ADAMTSL1: variants seen among roughly 807,000 people sequenced by gnomAD.
ADAMTSL1 encodes ADAMTS-like protein 1.
A neutral mutation model predicts 201.8 loss-of-function variants in ADAMTSL1; 126 were observed. The observed-to-expected ratio is 0.62, with a 90% CI of 0.54 to 0.72. The LOEUF (loss-of-function observed/expected upper bound fraction) is 0.72. Ranked by LOEUF, ADAMTSL1 falls within the 30% of genes least tolerant of loss-of-function variation. The pLI, the probability that ADAMTSL1 is intolerant of heterozygous loss-of-function variation, is 0.00. For missense variants in ADAMTSL1, 2,679 were observed against 2,277.8 expected, an observed-to-expected ratio of 1.18 and a Z score of -3.59; for synonymous variants, 1,121 against 903.4, an observed-to-expected ratio of 1.24 and a Z score of -4.32.
chr9:18,859,693 C>T (rs1444821784), intron 23 of ADAMTSL1, among the ~76,000 whole-genome samples: 1 of 152,078 alleles, frequency 6.6e-6, no homozygotes, highest in Admixed American at 6.5e-5. Context: ...AGTCATGTAA[C>T]CTAGGGAAAT....
intron 13 of ADAMTSL1, among the ~76,000 whole-genome samples, chr9:18,688,490 G>A (rs959984368): frequency 1.3e-5 from 2 of 148,666 alleles, no homozygotes; most frequent in South Asian, 4.3e-4. Flanking sequence ...AACATAGCAA[G>A]ACCTCGTCTC....
chr9:18,511,812 T>C (rs1818039348), intron 2 of ADAMTSL1, among the ~76,000 whole-genome samples: 1 of 152,200 alleles, frequency 6.6e-6, no homozygotes, highest in South Asian at 2.1e-4. Context: ...AAGAAAATTT[T>C]CAATGGTAAG....
intron 16 of ADAMTSL1, among the ~76,000 whole-genome samples, chr9:18,769,239 C>T (rs56366480): frequency 1.1e-3 from 165 of 152,298 alleles, no homozygotes; most frequent in African/African-American, 3.9e-3. Flanking sequence ...TAAACAAAGA[C>T]CAACGTGAGT....
At chr9:18,678,012 C>G (rs1830223456) in intron 10 of ADAMTSL1, among the ~76,000 whole-genome samples, 1 of 152,052 alleles carries the variant, frequency 6.6e-6, no homozygotes, top group Admixed American at 6.6e-5. Context: ...GGGTTAAGAA[C>G]ACAGGTATAG....
chr9:18,764,802 G>C (rs1820269005), intron 16 of ADAMTSL1, among the ~76,000 whole-genome samples: 1 of 152,178 alleles, frequency 6.6e-6, no homozygotes, highest in African/African-American at 2.4e-5. Context: ...AAAGCTTTAT[G>C]TATACATCAA....
intron 4 of ADAMTSL1, among the ~76,000 whole-genome samples, chr9:18,606,859 T>G (rs1214127549): frequency 6.6e-6 from 1 of 152,200 alleles, no homozygotes; most frequent in Non-Finnish European, 1.5e-5. Context: ...TAATGTAATT[T>G]CCCACTCTTC....
chr9:18,779,302 C>T (rs1192799415), intron 19 of ADAMTSL1, among the ~76,000 whole-genome samples: 1 of 152,126 alleles, frequency 6.6e-6, no homozygotes, highest in African/African-American at 2.4e-5. Context: ...TCATTTTTTG[C>T]CTTTGTAATG....
At chr9:18,020,804 A>G (rs1003533633) in intron 1 of ADAMTSL1, among the ~76,000 whole-genome samples, 51 of 152,162 alleles carry the variant, frequency 3.4e-4, no homozygotes, top group African/African-American at 1.1e-3. Flanking sequence ...CTGAATATCA[A>G]TTTTGTTTGC....
At position 18,710,941 on chromosome 9, in the gene ADAMTSL1, G is replaced by C. The variant is rs184782831; in HGVS notation, c.1876+3893G>C. On this transcript the variant is annotated intron_variant, in intron 14 of 28. Transcript: ENST00000380548. The stretch of plus-strand genomic sequence containing the variant: ...TCCCACATTCACACCCACAGTACTC[G>C]TCCACCATTTAAAATCTCAACCAAA... 4.6e-5 allele frequency among the ~76,000 whole-genome samples: 7 copies of C among 151,902 alleles called. No individual in the cohort carries two copies. The East Asian group carries it at 1.2e-3, about 25-fold the overall frequency.
At chr9:18,273,373 G>T (rs1043462812) in intron 2 of ADAMTSL1, among the ~76,000 whole-genome samples, 2 of 152,166 alleles carry the variant, frequency 1.3e-5, no homozygotes, top group Admixed American at 6.5e-5. Flanking sequence ...GAGTCATCAC[G>T]CCCGGCCACC....
At position 18,587,165 on chromosome 9, in the gene ADAMTSL1, C is replaced by T. The variant is rs139990891; in HGVS notation, c.474+12899C>T. 3.6e-3 allele frequency among the ~76,000 whole-genome samples: 546 copies of T among 152,128 alleles called. 3 individuals are homozygous for T. The highest frequency in any genetic ancestry group is 0.012 in the African/African-American group (498 of 41,520). On this transcript the variant is annotated intron_variant, in intron 4 of 28. Transcript: ENST00000380548. ...ACTATCAACAGAGTAAACAGATAAC[C>T]CTACAGAATGGGTGAAAATATTTGC...
chr9:18,243,619 G>A (rs946514446), intron 2 of ADAMTSL1, among the ~76,000 whole-genome samples: 3 of 151,936 alleles, frequency 2.0e-5, no homozygotes, highest in African/African-American at 7.2e-5. Flanking sequence ...CCACACAAAT[G>A]TAGACTTGCC....
intron 2 of ADAMTSL1, among the ~76,000 whole-genome samples, chr9:18,169,459 G>A (rs892288228): frequency 1.3e-5 from 2 of 151,964 alleles, no homozygotes; most frequent in African/African-American, 4.8e-5. Context: ...TATTTCTGAG[G>A]GCTCTGTTGT....
intron 1 of ADAMTSL1, among the ~76,000 whole-genome samples, chr9:18,160,685 T>A (rs1018394017): frequency 6.6e-6 from 1 of 151,268 alleles, no homozygotes; most frequent in African/African-American, 2.4e-5. Flanking sequence ...ATTAATTAAT[T>A]AATTAATTTT....
intron 1 of ADAMTSL1, among the ~76,000 whole-genome samples, chr9:18,102,701 C>T (rs575706293): frequency 6.6e-6 from 1 of 152,232 alleles, no homozygotes; most frequent in East Asian, 1.9e-4. Flanking sequence ...CAGTCAGTAC[C>T]AAATAGACCA....
At chr9:18,726,744 C>A (rs1817918488) in intron 15 of ADAMTSL1, among the ~76,000 whole-genome samples, 1 of 152,116 alleles carries the variant, frequency 6.6e-6, no homozygotes, top group Non-Finnish European at 1.5e-5. Context: ...AAGGAAATTC[C>A]AAGCAATTTC....
At chr9:18,779,094 A>T (rs182691714) in intron 19 of ADAMTSL1, among the ~76,000 whole-genome samples, 1 of 152,358 alleles carries the variant, frequency 6.6e-6, no homozygotes, top group Admixed American at 6.5e-5. Context: ...TTATTCTAAC[A>T]TTCAATCCAC....
intron 15 of ADAMTSL1, among the ~76,000 whole-genome samples, chr9:18,742,331 G>C (rs916594686): frequency 6.6e-6 from 1 of 152,154 alleles, no homozygotes; most frequent in African/African-American, 2.4e-5. Context: ...TAGCCTGATT[G>C]GATGAATGTC....
intron 1 of ADAMTSL1, among the ~76,000 whole-genome samples, chr9:17,970,273 A>G (rs1026205355): frequency 5.3e-5 from 8 of 152,002 alleles, no homozygotes; most frequent in Non-Finnish European, 1.2e-4. Flanking sequence ...TCTTTTATCA[A>G]CAAGTCCTCA....
Sources: allele counts gnomAD v4.1 joint callset (sites outside exome capture counted in the v4.1 genomes callset), GRCh38; gene constraint gnomAD v4.1.1; transcripts MANE v1.5; gene names NCBI Gene and HGNC (gene_info 2026-07-23, HGNC 2026-07-21).